Variants in TIMP3 observed in about 807,000 individuals in gnomAD.
TIMP3 encodes metalloproteinase inhibitor 3.
Under a neutral mutation model 30.0 loss-of-function variants are expected in TIMP3, and 11 were observed. The ratio of observed to expected loss-of-function variants is 0.37; its 90% confidence interval spans 0.23 to 0.61. TIMP3 has a LOEUF of 0.61. Ranked by LOEUF, TIMP3 falls within the 20% of genes least tolerant of loss-of-function variation. TIMP3 has a pLI of 0.70. For missense variants in TIMP3, 181 were observed against 276.8 expected, an observed-to-expected ratio of 0.65 and a Z score of 2.45; for synonymous variants, 112 against 111.3, an observed-to-expected ratio of 1.01 and a Z score of -0.04.
rs1311859687 is a variant in TIMP3, at chr22:32,837,053, C to T, written c.122-12399C>T. On this transcript the variant is annotated intron_variant, in intron 1 of 4. Coordinates refer to ENST00000266085, the MANE Select transcript of TIMP3 (RefSeq NM_000362.5). This position sits in a 1 kb window ranked among gnomAD's most constrained non-coding sequence, Gnocchi z 4.1. The stretch of plus-strand genomic sequence containing the variant: ...CTTGCTCCTAGGCCTATCCCAGAGT[C>T]CCTCAGCTCTCCTAGCAAACAAAAT... Among the ~76,000 whole-genome samples, 1 of 152,154 alleles carries T rather than the reference C, an allele frequency of 6.6e-6. No individual in the cohort carries two copies. The highest frequency in any genetic ancestry group is 2.4e-5 in the African/African-American group (1 of 41,430).
intron 2 of TIMP3, among the ~76,000 whole-genome samples, chr22:32,855,204 G>A (rs1005095316): frequency 6.6e-6 from 1 of 152,166 alleles, no homozygotes; most frequent in East Asian, 1.9e-4. Flanking sequence ...CACCGCCCCC[G>A]TTACCAAATC....
intron 2 of TIMP3, among the ~76,000 whole-genome samples, chr22:32,856,418 G>T (rs2048367870): frequency 6.6e-6 from 1 of 152,040 alleles, no homozygotes; most frequent in Non-Finnish European, 1.5e-5. Flanking sequence ...GCCCTGGGGT[G>T]GGTAGATCAG....
chr22:32,807,373 T>TATATAATATATATAAC (rs2046782675), intron 1 of TIMP3, among the ~76,000 whole-genome samples: 3 of 112,196 alleles, frequency 2.7e-5, no homozygotes, highest in Non-Finnish European at 5.1e-5. Flanking sequence ...ATATATATTA[T>TATATAATATATATAAC]ATATAATATA....
chr22:32,823,608 C>A (rs2047316746), intron 1 of TIMP3, among the ~76,000 whole-genome samples: 1 of 152,110 alleles, frequency 6.6e-6, no homozygotes, highest in Admixed American at 6.6e-5. Flanking sequence ...AGAAGCATTG[C>A]CAAGAGCAAC....
chr22:32,853,735 T>G (rs1485362750), intron 2 of TIMP3, among the ~76,000 whole-genome samples: 1 of 152,238 alleles, frequency 6.6e-6, no homozygotes, highest in East Asian at 1.9e-4. Flanking sequence ...TCCTTACGAA[T>G]TTCAGTATAA....
chr22:32,847,796 T>C (rs1054637538), intron 1 of TIMP3, among the ~76,000 whole-genome samples: 3 of 152,230 alleles, frequency 2.0e-5, no homozygotes, highest in Admixed American at 6.5e-5. Context: ...ATAAGAAAGA[T>C]TGATAGGATC....
At chr22:32,838,651 C>G (rs572098951) in intron 1 of TIMP3, among the ~76,000 whole-genome samples, 2 of 152,030 alleles carry the variant, frequency 1.3e-5, no homozygotes, top group Non-Finnish European at 2.9e-5. Flanking sequence ...TGTCGGTATT[C>G]GGCCTCTCCA....
chr22:32,860,712 G>A lies in TIMP3; in HGVS notation c.*1335G>A, dbSNP rs370043138. 1.3e-5 allele frequency: 2 copies of A among 152,150 alleles called. No individual in the cohort carries two copies. The highest frequency in any genetic ancestry group is 1.9e-4 in the East Asian group (1 of 5,172). The allele number at this position is 152,150 out of a possible 1,614,324, so 9.4% of individuals were successfully genotyped here. On this transcript the variant is annotated 3_prime_UTR_variant, in exon 5 of 5. Coordinates refer to ENST00000266085, the MANE Select transcript of TIMP3 (RefSeq NM_000362.5). Reference sequence around the variant, plus strand: ...AGATGAGAGTGTAGTCAAGGGCCTGGGCACAGGAGGGAGAGCTGCAGAGTG... The same window carrying A: ...AGATGAGAGTGTAGTCAAGGGCCTGAGCACAGGAGGGAGAGCTGCAGAGTG...
intron 1 of TIMP3, among the ~76,000 whole-genome samples, chr22:32,845,978 C>A (rs2048051025): frequency 6.6e-6 from 1 of 152,210 alleles, no homozygotes; most frequent in Non-Finnish European, 1.5e-5. Context: ...ATGCACAAAC[C>A]AAATAGGTGG....
At chr22:32,814,362 A>AAAGGAAGAAAGG (rs2047033458) in intron 1 of TIMP3, among the ~76,000 whole-genome samples, 3 of 88,964 alleles carry the variant, frequency 3.4e-5, no homozygotes, top group Admixed American at 1.1e-4. Flanking sequence ...AGAAAGAAAG[A>AAAGGAAGAAAGG]AAGAAAGAAA....
intron 1 of TIMP3, among the ~76,000 whole-genome samples, chr22:32,829,912 G>A (rs924154149): frequency 2.0e-5 from 3 of 152,222 alleles, no homozygotes; most frequent in African/African-American, 7.2e-5. Context: ...TGAGAAATGA[G>A]CATTTTCCAG....
chr22:32,859,091 GC>G, intron 4 of TIMP3, 88 bp from the exon 5 acceptor site: 1 of 1,319,120 alleles, frequency 7.6e-7, no homozygotes, highest in Non-Finnish European at 1.1e-6. Flanking sequence ...CCATGCAGTG[GC>G]CCCAGGGTCT....
rs915412554 is a variant in TIMP3 at position 32,837,335 on chromosome 22, A to G, written c.122-12117A>G. Reference sequence around the variant, plus strand: ...CTCTCAGGGGATAGGGGGTGGTCTCAGCCCCCCTCACCGAGTGCACTTGCA... The same window carrying G: ...CTCTCAGGGGATAGGGGGTGGTCTCGGCCCCCCTCACCGAGTGCACTTGCA... On this transcript the variant is annotated intron_variant, in intron 1 of 4. Transcript: ENST00000266085. This position sits in a 1 kb window ranked among gnomAD's most constrained non-coding sequence, Gnocchi z 4.1. Among the ~76,000 whole-genome samples, 1 of 152,134 alleles carries G rather than the reference A, an allele frequency of 6.6e-6. No individual in the cohort carries two copies. Among genetic ancestry groups the G allele is most frequent in the Non-Finnish European group, 1.5e-5 (1 of 68,020 alleles).
At chr22:32,825,542 C>CCAGCTACTCGGGAA (rs984158432) in intron 1 of TIMP3, among the ~76,000 whole-genome samples, 2 of 151,164 alleles carry the variant, frequency 1.3e-5, no homozygotes, top group Non-Finnish European at 2.9e-5. Context: ...GCCTGTAATC[C>CCAGCTACTCGGGAA]CAGCTACTCG....
intron 1 of TIMP3, among the ~76,000 whole-genome samples, chr22:32,848,768 C>T (rs1486270802): frequency 6.6e-6 from 1 of 152,134 alleles, no homozygotes; most frequent in Non-Finnish European, 1.5e-5. Flanking sequence ...TGCATACAGT[C>T]GCAATAGCCA....
intron 1 of TIMP3, among the ~76,000 whole-genome samples, chr22:32,831,697 C>T (rs572187166): frequency 7.2e-4 from 109 of 152,296 alleles, no homozygotes; most frequent in African/African-American, 2.5e-3. Context: ...TTGGCATTAA[C>T]ACCAGGATCC....
chr22:32,858,707 A>T (rs1754547663), intron 4 of TIMP3, among the ~76,000 whole-genome samples: 1 of 152,162 alleles, frequency 6.6e-6, no homozygotes, highest in South Asian at 2.1e-4. Context: ...AATTACTATG[A>T]TCTCCATTCT....
chr22:32,829,968 C>T (rs1481719656), intron 1 of TIMP3, among the ~76,000 whole-genome samples: 2 of 152,212 alleles, frequency 1.3e-5, no homozygotes, highest in Admixed American at 1.3e-4. Context: ...CTCTGCATTG[C>T]TCTGGGGTGT....
At chr22:32,839,081 CAGGG>C (rs1235333839) in intron 1 of TIMP3, among the ~76,000 whole-genome samples, 2 of 151,744 alleles carry the variant, frequency 1.3e-5, no homozygotes, top group Non-Finnish European at 2.9e-5. Context: ...GGCAGATGCA[CAGGG>C]AGGAAGTGAT....
Sources: gnomAD v4.1 joint callset for allele counts (sites outside exome capture counted in the v4.1 genomes callset) on GRCh38, gnomAD v4.1.1 for gene constraint, Gnocchi (gnomAD v3.1) non-coding constraint, MANE v1.5 for transcripts, NCBI Gene and HGNC (gene_info 2026-07-23, HGNC 2026-07-21) for gene names.